Variants in SYT16 observed in about 807,000 individuals in gnomAD.
SYT16 encodes the protein synaptotagmin-16.
SYT16 carries 42 observed loss-of-function variants against 61.4 expected under a neutral mutation model. That is an observed-to-expected ratio of 0.68 (90% CI 0.53 to 0.89). The LOEUF (loss-of-function observed/expected upper bound fraction) is 0.89. SYT16 is among the 40% of genes least tolerant of loss of function. SYT16 has a pLI of 0.00. For synonymous variants in SYT16, 314 were observed against 302.3 expected (o/e 1.04, Z -0.40); for missense variants, 804 against 807.3 (o/e 1.00, Z 0.05).
At chr14:61,964,596 A>G (rs879472585) in intron 1 of SYT16, among the ~76,000 whole-genome samples, 1 of 152,192 alleles carries the variant, frequency 6.6e-6, no homozygotes, top group East Asian at 1.9e-4. Flanking sequence ...TGTTGAAATG[A>G]CAACAAAGGA....
chr14:61,976,166 A>G (rs573049389), intron 2 of SYT16, among the ~76,000 whole-genome samples: 16 of 152,322 alleles, frequency 1.1e-4, no homozygotes, highest in African/African-American at 3.1e-4. Flanking sequence ...GGTCATGCTG[A>G]TGCAAGAGGT....
Position 62,076,254 on chromosome 14 carries a change from G to T in SYT16, c.993+863G>T, listed in dbSNP as rs144198083. On this transcript the variant is annotated intron_variant, in intron 5 of 7. Transcript: ENST00000683842. ...ACATTGGAAGGCATTAAGGAATGGT[G>T]TTTAATACCTAATTTGAAATTAATT... Among the ~76,000 whole-genome samples, 679 of 152,252 alleles carry T rather than the reference G, an allele frequency of 4.5e-3. 12 individuals are homozygous for T. The highest frequency in any genetic ancestry group is 0.015 in the African/African-American group (634 of 41,538).
intron 1 of SYT16, among the ~76,000 whole-genome samples, chr14:61,891,102 C>G (rs2140337442): frequency 1.3e-5 from 2 of 152,234 alleles, no homozygotes; most frequent in East Asian, 3.9e-4. Flanking sequence ...TTTTAAAATT[C>G]CACTAATCAC....
At position 62,081,650 on chromosome 14, in the gene SYT16, C is replaced by T. The variant is rs138391460; in HGVS notation, c.1434+376C>T. ...GGGACTTTCTGGGCAAGGTTCTTAA[C>T]GGGTATGCTGGGGCAGACTGAGAGA... is the stretch of plus-strand genomic sequence containing the variant. On this transcript the variant is annotated intron_variant, in intron 6 of 7. Transcript: ENST00000683842. 3.3e-3 allele frequency among the ~76,000 whole-genome samples: 509 copies of T among 152,284 alleles called. 6 individuals are homozygous for T. Among genetic ancestry groups the T allele is most frequent in the African/African-American group, 0.011 (470 of 41,564 alleles).
At chr14:61,977,687 C>T (rs1237566438) in intron 2 of SYT16, among the ~76,000 whole-genome samples, 2 of 152,014 alleles carry the variant, frequency 1.3e-5, no homozygotes, top group Non-Finnish European at 2.9e-5. Context: ...CAAAGTGTTA[C>T]CATTATCACC....
chr14:61,866,144 G>A (rs150555411), intron 1 of SYT16, among the ~76,000 whole-genome samples: 27 of 151,744 alleles, frequency 1.8e-4, no homozygotes, highest in Admixed American at 1.6e-3. Context: ...AACCACCTTT[G>A]TAGTCTGAAA....
intron 2 of SYT16, among the ~76,000 whole-genome samples, chr14:61,973,097 T>G (rs1263420351): frequency 2.0e-5 from 3 of 152,178 alleles, no homozygotes; most frequent in African/African-American, 7.2e-5. Context: ...ATATGTGAGG[T>G]TCTGAAGAAT....
At chr14:62,072,353 A>C (rs2056330362) in intron 4 of SYT16, among the ~76,000 whole-genome samples, 1 of 152,174 alleles carries the variant, frequency 6.6e-6, no homozygotes, top group Non-Finnish European at 1.5e-5. Flanking sequence ...TACAAAATGT[A>C]CATGTACATG....
intron 4 of SYT16, among the ~76,000 whole-genome samples, chr14:62,071,306 G>A (rs950227028): frequency 6.6e-6 from 1 of 152,166 alleles, no homozygotes; most frequent in Non-Finnish European, 1.5e-5. Context: ...TAAAGCTAAT[G>A]GCCCCATTTC....
intron 3 of SYT16, among the ~76,000 whole-genome samples, chr14:62,050,831 A>G (rs1026473197): frequency 2.6e-5 from 4 of 151,856 alleles, no homozygotes; most frequent in Non-Finnish European, 5.9e-5. Flanking sequence ...ATTCCTCTGG[A>G]AGTTTTGTCT....
chr14:61,886,405 T>C (rs565421140), intron 1 of SYT16, among the ~76,000 whole-genome samples: 1 of 152,300 alleles, frequency 6.6e-6, no homozygotes, highest in African/African-American at 2.4e-5. Flanking sequence ...AAAACTAGAG[T>C]CAATCCTCTC....
chr14:61,923,453 A>G lies in SYT16; in HGVS notation c.-324-46679A>G, dbSNP rs533083248. 7.9e-5 allele frequency among the ~76,000 whole-genome samples: 12 copies of G among 152,298 alleles called. No homozygotes were observed. The East Asian group carries it at 2.3e-3, about 29-fold the overall frequency. On this transcript the variant is annotated intron_variant, in intron 1 of 7. Coordinates refer to ENST00000683842, the MANE Select transcript of SYT16 (RefSeq NM_001367656.1). ...ATTGATTTCTACTGCTTGGTTTATT[A>G]CAGAATCAAGCAACCATTCCAGGAA...
chr14:61,855,220 T>G (rs1483203351), intron 1 of SYT16, among the ~76,000 whole-genome samples: 1 of 152,222 alleles, frequency 6.6e-6, no homozygotes, highest in Non-Finnish European at 1.5e-5. Context: ...CAAGTTAATT[T>G]CCTAAGGAAG....
chr14:61,893,476 G>C (rs375251949), intron 1 of SYT16, among the ~76,000 whole-genome samples: 1 of 152,132 alleles, frequency 6.6e-6, no homozygotes, highest in South Asian at 2.1e-4. Flanking sequence ...TTTTCTAGGG[G>C]GTGACCTGGA....
chr14:62,076,137 C>T (rs1362858615), intron 5 of SYT16, among the ~76,000 whole-genome samples: 2 of 152,136 alleles, frequency 1.3e-5, no homozygotes, highest in African/African-American at 4.8e-5. Flanking sequence ...ATATGCCAGG[C>T]ACTGTGATAA....
At chr14:62,088,274 T>C (rs2056955269) in intron 7 of SYT16, among the ~76,000 whole-genome samples, 1 of 152,148 alleles carries the variant, frequency 6.6e-6, no homozygotes, top group Non-Finnish European at 1.5e-5. Flanking sequence ...CAATAAAAAG[T>C]AATAAAATTA....
intron 1 of SYT16, among the ~76,000 whole-genome samples, chr14:61,814,087 T>G (rs563498871): frequency 2.6e-5 from 4 of 152,142 alleles, no homozygotes; most frequent in African/African-American, 9.7e-5. Flanking sequence ...ACAGGTGGCC[T>G]TCAGTAAATG....
chr14:61,996,127 T>C lies in SYT16; in HGVS notation c.108T>C (p.Ser36=). 6.2e-7 allele frequency: 1 copy of C among 1,613,376 alleles called. No individual in the cohort carries two copies. The highest frequency in any genetic ancestry group is 8.5e-7 in the Non-Finnish European group (1 of 1,179,524). Residue 36 remains serine (S), a synonymous_variant, in exon 3 of 8, where the codon TCT becomes TCC. Transcript: ENST00000683842. ...TCCAGCAAGCAGGAGATATGTTATC[T>C]GCTTCGCTGGTTAACATAAGCAAAC... The part of the protein sequence containing the change: ...EALQQAGDML[S]ASLVNISKQD...
chr14:61,861,557 A>G (rs1404047837), intron 1 of SYT16, among the ~76,000 whole-genome samples: 2 of 152,106 alleles, frequency 1.3e-5, no homozygotes, highest in Non-Finnish European at 2.9e-5. Context: ...GGCACGTGCC[A>G]CCATGCCTGG....
Sources: gnomAD v4.1 joint callset for allele counts (sites outside exome capture counted in the v4.1 genomes callset) on GRCh38, gnomAD v4.1.1 for gene constraint, MANE v1.5 for transcripts, NCBI Gene and HGNC (gene_info 2026-07-23, HGNC 2026-07-21) for gene names.